KAZN: variants seen among roughly 807,000 people sequenced by gnomAD.
KAZN encodes the protein kazrin.
KAZN carries 40 observed loss-of-function variants against 87.4 expected under a neutral mutation model. The ratio of observed to expected loss-of-function variants is 0.46; its 90% CI spans 0.36 to 0.60. The LOEUF (loss-of-function observed/expected upper bound fraction) is 0.60. KAZN is among the 20% of genes least tolerant of loss of function. The probability of loss-of-function intolerance (pLI) is 0.00; values close to 1 mark genes in which losing one functional copy is unlikely to be tolerated. For missense variants in KAZN, 898 were observed against 1,073.9 expected, an observed-to-expected ratio of 0.84 and a Z score of 2.29; for synonymous variants, 466 against 458.3, an observed-to-expected ratio of 1.02 and a Z score of -0.22.
At position 14,494,519 on chromosome 1, in the gene KAZN, G is replaced by A. The variant is rs542291109; in HGVS notation, c.250-104464G>A. ...GTACTTCCTCTCACTGTCTATTTGG[G>A]TGTCATGCCAATCCCCCTTCAGGTC... On this transcript the variant is annotated intron_variant, in intron 2 of 16. Transcript: ENST00000636203. Among the ~76,000 whole-genome samples the A allele has an allele frequency of 4.6e-5, 7 of 152,254 alleles. No homozygotes were observed. The East Asian group carries it at 1.4e-3, about 29-fold the overall frequency.
chr1:14,746,043 C>A (rs549279253), intron 1 of KAZN, among the ~76,000 whole-genome samples: 1 of 152,244 alleles, frequency 6.6e-6, no homozygotes, highest in South Asian at 2.1e-4. Context: ...ATTCATTGTG[C>A]AATATGATTT....
intron 2 of KAZN, among the ~76,000 whole-genome samples, chr1:14,245,139 T>C (rs959455660): frequency 6.6e-6 from 1 of 151,830 alleles, no homozygotes; most frequent in Non-Finnish European, 1.5e-5. Context: ...TTTTGTATAT[T>C]TTTTTACTAG....
chr1:14,598,034 C>T (rs1377259539), upstream of KAZN, among the ~76,000 whole-genome samples: 1 of 152,232 alleles, frequency 6.6e-6, no homozygotes, highest in Non-Finnish European at 1.5e-5. The surrounding 1 kb of genome is among the most constrained non-coding windows in gnomAD (Gnocchi z 4.2). Flanking sequence ...CGCCAATATT[C>T]AGCCCGGCTA....
intron 1 of KAZN, among the ~76,000 whole-genome samples, chr1:14,767,092 C>G (rs996109302): frequency 6.6e-6 from 1 of 152,094 alleles, no homozygotes; most frequent in African/African-American, 2.4e-5. Flanking sequence ...CGAATGGGTA[C>G]GCTTTCTGTG....
chr1:14,229,840 A>G (rs1647641186), intron 2 of KAZN, among the ~76,000 whole-genome samples: 1 of 152,266 alleles, frequency 6.6e-6, no homozygotes. Flanking sequence ...GGAGCGTTAG[A>G]TTCTCCTGGA....
intron 2 of KAZN, among the ~76,000 whole-genome samples, chr1:15,014,378 T>C (rs1669874625): frequency 6.6e-6 from 1 of 152,092 alleles, no homozygotes. Context: ...GATGGGCAAA[T>C]GTTTTCTCAA....
chr1:14,614,301 C>T (rs1294068763), intron 1 of KAZN, among the ~76,000 whole-genome samples: 1 of 152,230 alleles, frequency 6.6e-6, no homozygotes, highest in Non-Finnish European at 1.5e-5. Context: ...TTATAATAAA[C>T]CACTCTCTTT....
intron 1 of KAZN, among the ~76,000 whole-genome samples, chr1:14,909,136 AC>A (rs1354169756): frequency 6.6e-6 from 1 of 152,226 alleles, no homozygotes; most frequent in Non-Finnish European, 1.5e-5. Context: ...AGGACATAAA[AC>A]AGTAATAGTA....
chr1:14,555,490 ATAACT>A (rs1393574869), intron 2 of KAZN, among the ~76,000 whole-genome samples: 1 of 152,238 alleles, frequency 6.6e-6, no homozygotes, highest in African/African-American at 2.4e-5. Flanking sequence ...GCTATAGGAA[ATAACT>A]TTACTTTAGA....
Position 14,599,320 on chromosome 1 carries a change from A to G in KAZN, c.226+97A>G. 8.3e-7 allele frequency: 1 copy of G among 1,211,022 alleles called. No homozygotes were observed. 75.0% of individuals were successfully genotyped at this position (1,211,022 alleles called of 1,614,324 possible). Reference sequence around the variant, plus strand: ...CCCGGGGTCCCCCACACCCGGGGCGAAATCGCTTTGCATTCTGGCTTGTAA... The same window carrying G: ...CCCGGGGTCCCCCACACCCGGGGCGGAATCGCTTTGCATTCTGGCTTGTAA... On this transcript the variant is annotated intron_variant, in intron 1 of 14. Coordinates refer to ENST00000376030, the MANE Select transcript of KAZN (RefSeq NM_201628.3). The surrounding 1 kb of genome is among the most constrained non-coding windows in gnomAD (Gnocchi z 4.4).
rs998992270 is a variant in KAZN, at chr1:14,745,336, A to G, written c.226+146113A>G. ...TTCTCTGCAACTGTTTTTAAATGGT[A>G]CGCAGCTCAAAATAGATAGGAATGA... On this transcript the variant is annotated intron_variant, in intron 1 of 14. Coordinates refer to ENST00000376030, the MANE Select transcript of KAZN (RefSeq NM_201628.3). Among the ~76,000 whole-genome samples, 6 of 152,048 alleles carry G rather than the reference A, an allele frequency of 3.9e-5. 1 individual carries two copies. The highest frequency in any genetic ancestry group is 1.4e-4 in the African/African-American group (6 of 41,414).
rs1463709495 is a variant in KAZN at position 14,960,866 on chromosome 1, G to A, written c.409G>A (p.Ala137Thr). ...KEQELARAKEALQAMKADRKR... is the reference protein window; with the variant it reads ...KEQELARAKETLQAMKADRKR... The stretch of plus-strand genomic sequence containing the variant: ...GCAGGAGCTAGCCAGAGCCAAAGAA[G>A]CCTTGCAGGGTGAGTGACGAGTCAG... The change falls in exon 2 of 15, where the codon GCC becomes ACC. Residue 137 changes from alanine (A) to threonine (T), a missense_variant. Physicochemically the swap from Ala to Thr is moderately conservative, Grantham distance 58 (BLOSUM62 0). Around this residue, in one of 3 missense-constraint regions of KAZN, gnomAD observed 250 missense variants for 263.0 expected, o/e 0.95. Coordinates refer to ENST00000376030, the MANE Select transcript of KAZN (RefSeq NM_201628.3). 1 of 1,602,782 alleles carries A rather than the reference G, an allele frequency of 6.2e-7. No homozygotes were observed. The highest frequency in any genetic ancestry group is 1.1e-5 in the South Asian group (1 of 90,516).
exon 1 of KAZN, chr1:13,893,627 C>A (rs1246612541): frequency 6.5e-7 from 1 of 1,549,156 alleles, no homozygotes; most frequent in Non-Finnish European, 8.7e-7. Flanking sequence ...AGGGTCTGGA[C>A]GCTGCCACAT....
In KAZN at chr1:14,818,655, CA is replaced by C. The variant is rs1420796579; in HGVS notation, c.227-142026del. 8.5e-5 allele frequency among the ~76,000 whole-genome samples: 13 copies of C among 152,262 alleles called. No homozygotes were observed. The East Asian group carries it at 2.5e-3, about 29-fold the overall frequency. The stretch of plus-strand genomic sequence containing the variant: ...CCTGGTGTCTCCCATTGGCCAAACC[CA>C]AATGGAGGCCAAAACTCATTGCAGG... On this transcript the variant is annotated intron_variant, in intron 1 of 14. Transcript: ENST00000376030.
chr1:14,274,381 C>T (rs1265933522), intron 2 of KAZN, among the ~76,000 whole-genome samples: 1 of 152,132 alleles, frequency 6.6e-6, no homozygotes, highest in Non-Finnish European at 1.5e-5. Flanking sequence ...CTGATTCCAC[C>T]ATGTTTCGCA....
At chr1:14,016,518 A>C (rs80055938) in intron 1 of KAZN, among the ~76,000 whole-genome samples, 1,754 of 152,172 alleles carry the variant, frequency 0.012, 35 homozygotes, top group African/African-American at 0.039. Flanking sequence ...CTTAGCTCTC[A>C]AAGGATCAGT....
At chr1:13,938,292 T>C (rs1640814903) in intron 1 of KAZN, among the ~76,000 whole-genome samples, 1 of 152,150 alleles carries the variant, frequency 6.6e-6, no homozygotes, top group South Asian at 2.1e-4. Context: ...CTATTATAAA[T>C]GGGAATGAGT....
intron 1 of KAZN, among the ~76,000 whole-genome samples, chr1:14,817,687 A>C (rs1434024132): frequency 6.6e-6 from 1 of 152,122 alleles, no homozygotes; most frequent in African/African-American, 2.4e-5. Context: ...AAGTACATAT[A>C]ACAGCCTCCC....
At chr1:14,432,076 CTA>C (rs139547802) in intron 2 of KAZN, among the ~76,000 whole-genome samples, 4,591 of 152,246 alleles carry the variant, frequency 0.03, 78 homozygotes, top group Middle Eastern at 0.044. Flanking sequence ...AAATCAAAGA[CTA>C]TGTGACTTTC....
Sources: allele counts gnomAD v4.1 joint callset (sites outside exome capture counted in the v4.1 genomes callset), GRCh38; gene constraint gnomAD v4.1.1; regional missense constraint gnomAD v4.1.1; non-coding constraint Gnocchi (gnomAD v3.1); transcripts MANE v1.5; gene names NCBI Gene and HGNC (gene_info 2026-07-23, HGNC 2026-07-21).